Variants in GRM7 observed in about 807,000 individuals in gnomAD.
GRM7 encodes metabotropic glutamate receptor 7.
In GRM7, 35 loss-of-function variants were observed where a neutral mutation model predicts 84.5. The observed-to-expected ratio is 0.41, with a 90% CI of 0.32 to 0.55. The LOEUF (loss-of-function observed/expected upper bound fraction) is 0.55. Among genes scored for constraint, GRM7 ranks in the 20% least tolerant of loss-of-function variants. GRM7 has a pLI of 0.19. For missense variants in GRM7, 1,003 were observed against 1,194.6 expected, an observed-to-expected ratio of 0.84 and a Z score of 2.36; for synonymous variants, 487 against 455.1, an observed-to-expected ratio of 1.07 and a Z score of -0.89.
intron 1 of GRM7, among the ~76,000 whole-genome samples, chr3:6,904,555 T>C (rs1333969547): frequency 1.3e-5 from 2 of 152,194 alleles, no homozygotes; most frequent in Non-Finnish European, 2.9e-5. Context: ...AATGAACCTC[T>C]TTCCCCAAAG....
intron 1 of GRM7, among the ~76,000 whole-genome samples, chr3:6,934,909 T>C (rs1322505180): frequency 1.3e-5 from 2 of 152,178 alleles, no homozygotes; most frequent in African/African-American, 2.4e-5. Flanking sequence ...CAGAATTATG[T>C]TGCGAAAACA....
At chr3:6,906,155 C>T (rs1696571068) in intron 1 of GRM7, among the ~76,000 whole-genome samples, 1 of 152,162 alleles carries the variant, frequency 6.6e-6, no homozygotes, top group African/African-American at 2.4e-5. Context: ...TCAGATGACG[C>T]CTCACTTACA....
chr3:7,622,238 C>T (rs562047693), intron 8 of GRM7, among the ~76,000 whole-genome samples: 1 of 152,116 alleles, frequency 6.6e-6, no homozygotes. Context: ...TAAGCACCCA[C>T]TCTTTGGTAG....
intron 1 of GRM7, among the ~76,000 whole-genome samples, chr3:7,028,227 G>A (rs567398425): frequency 6.4e-4 from 98 of 152,246 alleles, no homozygotes; most frequent in African/African-American, 2.3e-3. Flanking sequence ...CCTGACTCCT[G>A]GTTTATAATG....
chr3:7,149,843 A>C (rs1352164350), intron 2 of GRM7, among the ~76,000 whole-genome samples: 2 of 152,206 alleles, frequency 1.3e-5, no homozygotes, highest in Admixed American at 1.3e-4. Context: ...ACATTGAATC[A>C]CAATGGCTCC....
intron 1 of GRM7, among the ~76,000 whole-genome samples, chr3:7,112,794 A>G (rs1692904061): frequency 6.6e-6 from 1 of 152,170 alleles, no homozygotes; most frequent in African/African-American, 2.4e-5. Flanking sequence ...ATCCCTCAGA[A>G]TAGAAGAAAG....
intron 4 of GRM7, among the ~76,000 whole-genome samples, chr3:7,380,552 G>C (rs561491215): frequency 2.0e-5 from 3 of 152,150 alleles, no homozygotes; most frequent in African/African-American, 7.2e-5. Flanking sequence ...GCACATATTA[G>C]CAGTCTAAAC....
intron 9 of GRM7, among the ~76,000 whole-genome samples, chr3:7,722,610 G>C (rs940433488): frequency 2.0e-5 from 3 of 151,912 alleles, no homozygotes; most frequent in Admixed American, 2.0e-4. Flanking sequence ...GCCCGGCTAA[G>C]TTTTGTAATT....
chr3:7,432,028 G>C (rs1360297301), intron 5 of GRM7, among the ~76,000 whole-genome samples: 1 of 152,054 alleles, frequency 6.6e-6, no homozygotes, highest in Non-Finnish European at 1.5e-5. Flanking sequence ...TACTCCAAAG[G>C]GCCCCGAACA....
At chr3:7,295,314 A>G (rs1407588641) in intron 2 of GRM7, among the ~76,000 whole-genome samples, 1 of 152,112 alleles carries the variant, frequency 6.6e-6, no homozygotes, top group Non-Finnish European at 1.5e-5. Flanking sequence ...TTGTGTTGGT[A>G]TACTTCTGAG....
At chr3:6,980,840 T>C (rs1023748988) in intron 1 of GRM7, among the ~76,000 whole-genome samples, 1 of 152,200 alleles carries the variant, frequency 6.6e-6, no homozygotes, top group East Asian at 1.9e-4. Flanking sequence ...GACAGTAAAG[T>C]GCGAAGCTAG....
At chr3:7,125,149 AG>A (rs1336330952) in intron 1 of GRM7, among the ~76,000 whole-genome samples, 5 of 152,108 alleles carry the variant, frequency 3.3e-5, no homozygotes, top group Non-Finnish European at 7.4e-5. Context: ...CTTGTTGGCC[AG>A]GCTGGTCTCA....
At chr3:7,585,055 T>C (rs1276119173) in intron 8 of GRM7, among the ~76,000 whole-genome samples, 2 of 152,182 alleles carry the variant, frequency 1.3e-5, no homozygotes, top group East Asian at 1.9e-4. Context: ...TTTTCTCTTC[T>C]AGCATGCTTA....
chr3:6,899,122 C>T (rs1308602422), intron 1 of GRM7, among the ~76,000 whole-genome samples: 7 of 152,082 alleles, frequency 4.6e-5, no homozygotes, highest in Non-Finnish European at 2.9e-5. Flanking sequence ...AACACATGAG[C>T]TAAGGTGATA....
At chr3:7,471,642 C>T (rs868784470) in intron 7 of GRM7, among the ~76,000 whole-genome samples, 5 of 152,102 alleles carry the variant, frequency 3.3e-5, no homozygotes, top group Non-Finnish European at 7.4e-5. Context: ...ATTGGGTCCA[C>T]CTAGATAATT....
intron 1 of GRM7, among the ~76,000 whole-genome samples, chr3:6,865,530 G>A (rs1248622111): frequency 6.8e-6 from 1 of 147,032 alleles, no homozygotes; most frequent in Non-Finnish European, 1.5e-5. Context: ...GAATTGAATG[G>A]CATCTGATTC....
chr3:7,064,612 T>G (rs1697582939), intron 1 of GRM7, among the ~76,000 whole-genome samples: 1 of 150,384 alleles, frequency 6.6e-6, no homozygotes, highest in Admixed American at 6.7e-5. Context: ...GGCATTTGCG[T>G]TGGTTCCAAG....
chr3:7,712,643 T>G (rs532182251), intron 9 of GRM7, among the ~76,000 whole-genome samples: 23 of 151,360 alleles, frequency 1.5e-4, no homozygotes, highest in African/African-American at 2.4e-4. Context: ...TTGTTCTTTT[T>G]TTTGTTTGTT....
chr3:7,320,840 A>T (rs1045010242), intron 4 of GRM7, among the ~76,000 whole-genome samples: 1 of 152,000 alleles, frequency 6.6e-6, no homozygotes, highest in Non-Finnish European at 1.5e-5. Flanking sequence ...GTATTTATCC[A>T]TTGATACATC....
Sources: allele counts gnomAD v4.1 joint callset (sites outside exome capture counted in the v4.1 genomes callset), GRCh38; gene constraint gnomAD v4.1.1; transcripts MANE v1.5; gene names NCBI Gene and HGNC (gene_info 2026-07-23, HGNC 2026-07-21).